ANKK1: variants seen among roughly 807,000 people sequenced by gnomAD.
The protein encoded by ANKK1 is ankyrin repeat and protein kinase domain-containing protein 1.
In ANKK1, 37 loss-of-function variants were observed where a neutral mutation model predicts 37.6. The observed-to-expected ratio is 0.98, with a 90% CI of 0.76 to 1.29. ANKK1 has a LOEUF of 1.29. Among genes scored for constraint, ANKK1 ranks in the 50% most tolerant of loss-of-function variants. The probability of loss-of-function intolerance (pLI) is 0.00; values close to 1 mark genes in which losing one functional copy is unlikely to be tolerated. For missense variants in ANKK1, 1,019 were observed against 990.6 expected (o/e 1.03, Z -0.39); for synonymous variants, 415 against 418.7 (o/e 0.99, Z 0.11).
At chr11:113,394,625 T>G in intron 2 of ANKK1, 1 of 519,688 alleles carries the variant, frequency 1.9e-6, no homozygotes. Context: ...TACCACATCC[T>G]AACTACATGC....
Position 113,399,099 on chromosome 11 carries a change from A to C in ANKK1, c.1130A>C (p.Gln377Pro). The C allele has an allele frequency of 1.3e-6, 2 of 1,594,384 alleles. No individual in the cohort carries two copies. Among genetic ancestry groups the C allele is most frequent in the Admixed American group, 3.5e-5 (2 of 57,314 alleles). ...HFLVAQGSVE[Q>P]VRLLLAHEVD... ...CTGGTGGCCCAGGGCAGTGTGGAGCAGGTGAGGTTGCTGCTGGCCCACGAG... is the reference window on the plus strand; with the variant it reads ...CTGGTGGCCCAGGGCAGTGTGGAGCCGGTGAGGTTGCTGCTGGCCCACGAG... The change falls in exon 8 of 8, where the codon CAG (glutamine) becomes CCG (proline). Residue 377 changes from glutamine to proline, a missense_variant. Transcript: ENST00000303941.
At chr11:113,398,924 T>C (rs1256979481) in intron 7 of ANKK1, 40 bp from the exon 8 acceptor site, 1 of 1,522,872 alleles carries the variant, frequency 6.6e-7, no homozygotes. Flanking sequence ...TCTGGACGGG[T>C]CACAGGTCTT....
In ANKK1 at chr11:113,397,255, A is replaced by G. The variant is rs758330991; in HGVS notation, c.870A>G (p.Ser290=). The change falls in exon 6 of 8, where the codon TCA becomes TCG. Residue 290 remains serine, a synonymous_variant. Coordinates refer to ENST00000303941, the MANE Select transcript of ANKK1 (RefSeq NM_178510.2). Reference sequence around the variant, plus strand: ...CCATCGAGACAGACATACTGCTGTCACTGCTGCAGAGTCGTGTGGCAGTCC... The same window carrying G: ...CCATCGAGACAGACATACTGCTGTCGCTGCTGCAGAGTCGTGTGGCAGTCC... ...DITIETDILL[S]LLQSRVAVPE... is the part of the protein sequence containing the mutation. 1.2e-6 allele frequency: 2 copies of G among 1,611,056 alleles called. No homozygotes were observed. The highest frequency in any genetic ancestry group is 1.7e-6 in the Non-Finnish European group (2 of 1,179,844).
chr11:113,398,269 C>G (rs1368718548), intron 7 of ANKK1, among the ~76,000 whole-genome samples: 2 of 144,896 alleles, frequency 1.4e-5, no homozygotes, highest in African/African-American at 5.2e-5. Context: ...AAAGGTGGAG[C>G]ATTGGTTCTC....
chr11:113,399,876 A>C lies in ANKK1; in HGVS notation c.1907A>C (p.His636Pro), dbSNP rs375251188. The change falls in exon 8 of 8, where the codon CAC (histidine) becomes CCC (proline). Residue 636 changes from histidine to proline, a missense_variant. By Grantham distance (77) the His-to-Pro change is moderately conservative (BLOSUM62 -2). Transcript: ENST00000303941. ...ACTCCCCTGCACCTAGCTGCACGCC[A>C]CGGGGAGGAGGCGGTGGTGTCAGCA... ...NWTPLHLAAR[H>P]GEEAVVSALL... 1.6e-4 allele frequency: 251 copies of C among 1,613,088 alleles called. 1 individual carries two copies. Among genetic ancestry groups the C allele is most frequent in the Non-Finnish European group, 2.0e-4 (241 of 1,179,794 alleles).
chr11:113,395,702 GC>G (rs1950632107), intron 4 of ANKK1, among the ~76,000 whole-genome samples: 1 of 152,160 alleles, frequency 6.6e-6, no homozygotes, highest in African/African-American at 2.4e-5. Flanking sequence ...CCTGCCCCCT[GC>G]CACCTAGATG....
rs1464555154 is a variant in ANKK1 at position 113,396,121 on chromosome 11, T to A, written c.737T>A (p.Leu246Gln). Residue 246 changes from leucine to glutamine, a missense_variant, in exon 5 of 8, where the codon CTA (leucine) becomes CAA (glutamine). Transcript: ENST00000303941. ...GTGGCGGCAGGCATGCGGCCCTCCCTACAGCCTGTCTCTGACCAATGGCCA... is the reference window on the plus strand; with the variant it reads ...GTGGCGGCAGGCATGCGGCCCTCCCAACAGCCTGTCTCTGACCAATGGCCA... ...IRVAAGMRPS[L>Q]QPVSDQWPSE... 3 of 1,613,882 alleles carry A rather than the reference T, an allele frequency of 1.9e-6. No individual in the cohort carries two copies. Among genetic ancestry groups the A allele is most frequent in the Middle Eastern group, 1.6e-4 (1 of 6,084 alleles).
rs767569803 is a variant in ANKK1, at chr11:113,396,050, T to G, written c.683-17T>G. On this transcript the variant is annotated splice_polypyrimidine_tract_variant and intron_variant, in intron 4 of 7. Transcript: ENST00000303941. ...CCTACCTCTCAGCACCCACATAGCCTGAGCCTCCCTTTGCAGGGTTCAACA... is the reference window on the plus strand; with the variant it reads ...CCTACCTCTCAGCACCCACATAGCCGGAGCCTCCCTTTGCAGGGTTCAACA... 6.2e-7 allele frequency: 1 copy of G among 1,613,096 alleles called. No homozygotes were observed. Among genetic ancestry groups the G allele is most frequent in the South Asian group, 1.1e-5 (1 of 90,906 alleles).
intron 7 of ANKK1, among the ~76,000 whole-genome samples, chr11:113,398,611 C>T (rs531004486): frequency 3.3e-5 from 5 of 152,220 alleles, no homozygotes; most frequent in African/African-American, 9.6e-5. Flanking sequence ...CATTGTTTGT[C>T]CCCTCTTCCA....
chr11:113,398,820 A>T, intron 7 of ANKK1, 144 bp from the exon 8 acceptor site: 1 of 717,304 alleles, frequency 1.4e-6, no homozygotes, highest in Non-Finnish European at 2.3e-6. Context: ...ATGGCTGTGT[A>T]GAGAGCCATG....
chr11:113,399,547 C>G lies in ANKK1; in HGVS notation c.1578C>G (p.Asn526Lys), dbSNP rs773748715. 1.2e-6 allele frequency: 2 copies of G among 1,600,562 alleles called. No individual in the cohort carries two copies. The highest frequency in any genetic ancestry group is 1.7e-4 in the Middle Eastern group (1 of 6,050). The change falls in exon 8 of 8, where the codon AAC (asparagine) becomes AAG (lysine). Residue 526 changes from asparagine to lysine, a missense_variant. Asn to Lys is a moderately conservative substitution (Grantham distance 94). Transcript: ENST00000303941. ...CTGAGTTGGATGCTCAGCAGAGAAA[C>G]CTGAGAACACCACTGCACCTGGCAG... Reference protein sequence around the residue: ...QGAELDAQQRNLRTPLHLAVE... With the variant: ...QGAELDAQQRKLRTPLHLAVE...
At position 113,400,398 on chromosome 11, in the gene ANKK1, A is replaced by G. The variant is rs1950694981; in HGVS notation, c.*131A>G. 7.1e-6 allele frequency: 7 copies of G among 989,854 alleles called. No homozygotes were observed. The highest frequency in any genetic ancestry group is 1.0e-5 in the Non-Finnish European group (7 of 695,186). The allele number at this position is 989,854 out of a possible 1,614,324, so 61.3% of individuals were successfully genotyped here. On this transcript the variant is annotated 3_prime_UTR_variant, in exon 8 of 8. Transcript: ENST00000303941. ...ATGGCAAAACCCTGTCTCTGCTAAA[A>G]ATACAAAATTTAGCTGGGTATGGTG...
In ANKK1 at chr11:113,399,666, C is replaced by T; in HGVS notation, c.1697C>T (p.Thr566Ile). 5.0e-6 allele frequency: 8 copies of T among 1,600,542 alleles called. No homozygotes were observed. The highest frequency in any genetic ancestry group is 6.8e-6 in the Non-Finnish European group (8 of 1,173,844). Residue 566 changes from threonine (T) to isoleucine (I), a missense_variant, in exon 8 of 8, where the codon ACT becomes ATT. Physicochemically the swap from Thr to Ile is moderately conservative, Grantham distance 89. Transcript: ENST00000303941. ...LDQSGYGPLH[T>I]AAARGKYLIC... ...CAGAGCGGCTACGGCCCACTGCACA[C>T]TGCAGCTGCCAGGGGCAAATACCTG... is the stretch of plus-strand genomic sequence containing the variant.
chr11:113,388,141 T>A, intron 1 of ANKK1, 72 bp downstream of exon 1: 1 of 1,419,842 alleles, frequency 7.0e-7, no homozygotes, highest in Non-Finnish European at 9.2e-7. Flanking sequence ...CCCAGGGAGC[T>A]TGCGAGGAAG....
At position 113,399,300 on chromosome 11, in the gene ANKK1, C is replaced by A; in HGVS notation, c.1331C>A (p.Ala444Glu). ...GCCCAGAATGGGGATGACGGCACTG[C>A]GCGCCTGCTCCTGGACCACGGGGCC... is the stretch of plus-strand genomic sequence containing the variant. ...FAAQNGDDGTARLLLDHGACV... is the reference protein window; with the variant it reads ...FAAQNGDDGTERLLLDHGACV... Residue 444 changes from alanine to glutamate, a missense_variant, in exon 8 of 8, where the codon GCG (alanine) becomes GAG (glutamate). Ala to Glu is a moderately radical substitution (Grantham distance 107). Transcript: ENST00000303941. 6.2e-7 allele frequency: 1 copy of A among 1,600,852 alleles called. No homozygotes were observed. The highest frequency in any genetic ancestry group is 1.1e-5 in the South Asian group (1 of 88,316).
At chr11:113,396,480 C>G (rs1279650550) in intron 5 of ANKK1, among the ~76,000 whole-genome samples, 2 of 151,846 alleles carry the variant, frequency 1.3e-5, no homozygotes, top group Non-Finnish European at 2.9e-5. Flanking sequence ...GCCAGAACAA[C>G]AAGCACACCA....
chr11:113,398,884 C>A, intron 7 of ANKK1, 80 bp from the exon 8 acceptor site: 1 of 1,310,986 alleles, frequency 7.6e-7, no homozygotes, highest in Non-Finnish European at 1.0e-6. Context: ...GATGGTACTT[C>A]CAGGAGGCAG....
At chr11:113,394,089 A>C (rs1323366302) in intron 2 of ANKK1, among the ~76,000 whole-genome samples, 1 of 152,138 alleles carries the variant, frequency 6.6e-6, no homozygotes, top group Middle Eastern at 3.2e-3. Flanking sequence ...ACAATCCCTA[A>C]GAAAGGTTGT....
At chr11:113,394,173 T>C (rs1257074189) in intron 2 of ANKK1, among the ~76,000 whole-genome samples, 1 of 152,094 alleles carries the variant, frequency 6.6e-6, no homozygotes, top group Non-Finnish European at 1.5e-5. Context: ...CCCACTCCCC[T>C]CTATTTACCT....
Sources: allele counts gnomAD v4.1 joint callset (sites outside exome capture counted in the v4.1 genomes callset), GRCh38; gene constraint gnomAD v4.1.1; transcripts MANE v1.5; gene names NCBI Gene and HGNC (gene_info 2026-07-23, HGNC 2026-07-21).